WDFY3: variants seen among roughly 807,000 people sequenced by gnomAD.
WDFY3 encodes the protein WD repeat and FYVE domain-containing protein 3.
Under a neutral mutation model 409.6 loss-of-function variants are expected in WDFY3, and 66 were observed. The observed-to-expected ratio is 0.16, with a 90% CI of 0.13 to 0.20. The LOEUF (loss-of-function observed/expected upper bound fraction) is 0.20, where lower values mean the gene tolerates loss of function less well. WDFY3 is among the 10% of genes least tolerant of loss of function. WDFY3 has a pLI of 1.00. For missense variants in WDFY3, 3,031 were observed against 4,298.1 expected, an observed-to-expected ratio of 0.71 and a Z score of 8.24; for synonymous variants, 1,521 against 1,537.1, an observed-to-expected ratio of 0.99 and a Z score of 0.25.
In WDFY3 at chr4:84,821,193, G is replaced by A. The variant is rs2149820563; in HGVS notation, c.1482C>T (p.Tyr494=). Residue 494 remains tyrosine (Y), a synonymous_variant, in exon 11 of 68, where the codon TAC becomes TAT. Transcript: ENST00000295888. ...CCTCCCTGAACACGTCTTTAAATAT[G>A]TAGTCATGTCTTGTAAACTTAAGAA... is the stretch of plus-strand genomic sequence containing the variant. The part of the protein sequence containing the change: ...KTLLKFTRHD[Y]IFKDVFREVG... 1 of 1,613,746 alleles carries A rather than the reference G, an allele frequency of 6.2e-7. No homozygotes were observed. Among genetic ancestry groups the A allele is most frequent in the Non-Finnish European group, 8.5e-7 (1 of 1,179,824 alleles).
chr4:84,778,489 G>A lies in WDFY3; in HGVS notation c.4518+14C>T. 1 of 1,573,622 alleles carries A rather than the reference G, an allele frequency of 6.4e-7. No individual in the cohort carries two copies. The highest frequency in any genetic ancestry group is 2.3e-5 in the East Asian group (1 of 44,292). ...TCATTGATTATATATTATCAATTAT[G>A]CTTATATACATACTTCAAAATCACA... On this transcript the variant is annotated intron_variant, in intron 27 of 67. Coordinates refer to ENST00000295888, the MANE Select transcript of WDFY3 (RefSeq NM_014991.6).
At chr4:84,931,584 T>C (rs773510902) in intron 2 of WDFY3, among the ~76,000 whole-genome samples, 1 of 152,158 alleles carries the variant, frequency 6.6e-6, no homozygotes, top group Non-Finnish European at 1.5e-5. Context: ...CCTGGGTTCT[T>C]ATTTGCAGTC....
rs150542176 is a variant in WDFY3, at chr4:84,737,371, T to TAAAC, written c.6575-9_6575-6dup. ...CTTTTATGAGAAGCTGACGCCCTAG[T>TAAAC]AAACAAACAAACAAACAAACAAAAA... On this transcript the variant is annotated splice_region_variant and splice_polypyrimidine_tract_variant and intron_variant, in intron 40 of 67. Coordinates refer to ENST00000295888, the MANE Select transcript of WDFY3 (RefSeq NM_014991.6). 8.4e-5 allele frequency: 130 copies of TAAAC among 1,547,738 alleles called. 1 individual carries two copies. Among genetic ancestry groups the TAAAC allele is most frequent in the Middle Eastern group, 3.7e-4 (2 of 5,468 alleles).
chr4:84,845,972 G>C (rs1758029814), intron 5 of WDFY3, among the ~76,000 whole-genome samples: 1 of 150,988 alleles, frequency 6.6e-6, no homozygotes, highest in Non-Finnish European at 1.5e-5. Context: ...TTAATACACG[G>C]GTGAACACAA....
chr4:84,855,731 A>G (rs938845924), intron 4 of WDFY3, among the ~76,000 whole-genome samples: 3 of 152,250 alleles, frequency 2.0e-5, no homozygotes, highest in African/African-American at 7.2e-5. Context: ...TAAAAAATTA[A>G]CAATGAAGAT....
chr4:84,920,051 A>C (rs1047594190), intron 2 of WDFY3, among the ~76,000 whole-genome samples: 5 of 152,192 alleles, frequency 3.3e-5, no homozygotes, highest in Admixed American at 2.0e-4. Flanking sequence ...AATAAGGAAC[A>C]AAAAATAAGA....
At chr4:84,905,150 A>T (rs935952080) in intron 2 of WDFY3, among the ~76,000 whole-genome samples, 2 of 152,200 alleles carry the variant, frequency 1.3e-5, no homozygotes, top group Non-Finnish European at 2.9e-5. Flanking sequence ...AGCCTGGTCA[A>T]CACGGTGAAA....
chr4:84,770,584 G>T (rs1744509663), intron 30 of WDFY3, among the ~76,000 whole-genome samples: 1 of 152,252 alleles, frequency 6.6e-6, no homozygotes, highest in South Asian at 2.1e-4. Flanking sequence ...TTGGAACAAT[G>T]TACCTGTAAA....
intron 5 of WDFY3, among the ~76,000 whole-genome samples, chr4:84,848,550 C>T (rs1052391044): frequency 2.6e-5 from 4 of 152,186 alleles, no homozygotes; most frequent in African/African-American, 7.2e-5. Context: ...CAATTAGTAG[C>T]TTCTAATCTC....
intron 4 of WDFY3, among the ~76,000 whole-genome samples, 158 bp from the exon 5 acceptor site, chr4:84,850,183 T>C (rs912867922): frequency 1.3e-5 from 2 of 152,212 alleles, no homozygotes; most frequent in Non-Finnish European, 2.9e-5. Context: ...ACGCTTTCAA[T>C]AAATCACATG....
chr4:84,833,262 A>G (rs902506754), intron 7 of WDFY3, among the ~76,000 whole-genome samples: 4 of 152,206 alleles, frequency 2.6e-5, no homozygotes, highest in South Asian at 2.1e-4. Context: ...TCTCTTTGCT[A>G]AATTTTCTCA....
intron 10 of WDFY3, among the ~76,000 whole-genome samples, chr4:84,824,280 T>TACACAA (rs1754517806): frequency 6.6e-6 from 1 of 152,162 alleles, no homozygotes; most frequent in Non-Finnish European, 1.5e-5. Flanking sequence ...TTACATAACT[T>TACACAA]TTATTATTGT....
intron 17 of WDFY3, among the ~76,000 whole-genome samples, chr4:84,799,086 G>A (rs1750022037): frequency 6.6e-6 from 1 of 151,724 alleles, no homozygotes. Context: ...TTCTTGTTGG[G>A]GAAAAAAATC....
intron 42 of WDFY3, 54 bp from the exon 43 acceptor site, chr4:84,735,174 T>A (rs1205040813): frequency 3.4e-6 from 5 of 1,489,994 alleles, no homozygotes; most frequent in Non-Finnish European, 4.6e-6. Flanking sequence ...TGGAAAAAAA[T>A]AGTTAATTAC....
chr4:84,808,602 G>A (rs904939182), intron 14 of WDFY3, among the ~76,000 whole-genome samples, 185 bp from the exon 15 acceptor site: 9 of 152,148 alleles, frequency 5.9e-5, no homozygotes, highest in African/African-American at 1.7e-4. Flanking sequence ...GCATGCTCAC[G>A]GCAGATGCTT....
rs1322189789 is a variant in WDFY3, at chr4:84,837,109, A to C, written c.415-19T>G. 8 of 1,484,988 alleles carry C rather than the reference A, an allele frequency of 5.4e-6. No homozygotes were observed. Among genetic ancestry groups the C allele is most frequent in the Non-Finnish European group, 7.2e-6 (8 of 1,109,518 alleles). The allele number at this position is 1,484,988 out of a possible 1,614,324, so 92.0% of individuals were successfully genotyped here. A position where few individuals can be genotyped will look rare whatever the true frequency, so the allele number is the denominator to read the frequency against. ...CGGTTTTCTGGAAAACAAGCCAATA[A>C]ATAAGTGAATAGATAGACACAACTA... On this transcript the variant is annotated intron_variant, in intron 6 of 67. Coordinates refer to ENST00000295888, the MANE Select transcript of WDFY3 (RefSeq NM_014991.6).
intron 25 of WDFY3, 50 bp downstream of exon 25, chr4:84,782,913 A>G (rs777730017): frequency 2.5e-6 from 4 of 1,580,780 alleles, no homozygotes; most frequent in Non-Finnish European, 3.5e-6. Context: ...GTGAATGCAA[A>G]CTTGATGGCA....
intron 46 of WDFY3, among the ~76,000 whole-genome samples, chr4:84,722,315 A>G (rs1009856459): frequency 1.3e-5 from 2 of 152,084 alleles, no homozygotes; most frequent in African/African-American, 4.8e-5. Flanking sequence ...TGAACCTGGG[A>G]GGCACAGGTT....
At chr4:84,866,978 CTTATCAAACCT>C (rs1246937951) in intron 3 of WDFY3, among the ~76,000 whole-genome samples, 1 of 152,172 alleles carries the variant, frequency 6.6e-6, no homozygotes, top group Non-Finnish European at 1.5e-5. Context: ...AGAATAGGCA[CTTATCAAACCT>C]TTATAAACAC....
Sources: gnomAD v4.1 joint callset for allele counts (sites outside exome capture counted in the v4.1 genomes callset) on GRCh38, gnomAD v4.1.1 for gene constraint, MANE v1.5 for transcripts, NCBI Gene and HGNC (gene_info 2026-07-23, HGNC 2026-07-21) for gene names.